TTC19: variants seen among roughly 807,000 people sequenced by gnomAD.
The protein encoded by TTC19 is tetratricopeptide repeat domain 19, also known as tetratricopeptide repeat protein 19, mitochondrial.
In TTC19, 38 loss-of-function variants were observed where a neutral mutation model predicts 49.5. The ratio of observed to expected loss-of-function variants is 0.77; its 90% CI spans 0.59 to 1.01. The LOEUF (loss-of-function observed/expected upper bound fraction) is 1.01, where lower values mean the gene tolerates loss of function less well. Ranked by LOEUF, TTC19 falls within the 50% of genes least tolerant of loss-of-function variation. TTC19 has a pLI of 0.00. For missense variants in TTC19, 475 were observed against 477.7 expected, an observed-to-expected ratio of 0.99 and a Z score of 0.05; for synonymous variants, 204 against 185.2, an observed-to-expected ratio of 1.10 and a Z score of -0.83.
chr17:16,040,436 C>A, intron 2 of TTC19: 1 of 1,613,294 alleles, frequency 6.2e-7, no homozygotes, highest in Non-Finnish European at 8.5e-7. Flanking sequence ...TCTTTTCAAT[C>A]TTACCTGACG....
rs1346067740 is a variant in TTC19 at position 16,007,267 on chromosome 17, C to G, written c.676+699C>G. On this transcript the variant is annotated intron_variant, in intron 7 of 9. Coordinates refer to ENST00000261647, the MANE Select transcript of TTC19 (RefSeq NM_017775.4). ...GATGCCTGAAACGACTTCTAATACA[C>G]TGTGTTTTTTTCTTATATATATGTA... is the stretch of plus-strand genomic sequence containing the variant. Among the ~76,000 whole-genome samples, 4 of 152,202 alleles carry G rather than the reference C, an allele frequency of 2.6e-5. No individual in the cohort carries two copies. In the East Asian group the frequency reaches 7.7e-4, roughly 29 times the overall value.
At chr17:16,032,062 C>T, downstream of TTC19, 1 of 481,746 alleles carries the variant, frequency 2.1e-6, no homozygotes, top group East Asian at 3.8e-5. Context: ...CAACCCTCCA[C>T]TATTATTATA....
chr17:16,041,511 T>C (rs1429495028), intron 2 of TTC19, among the ~76,000 whole-genome samples: 1 of 148,242 alleles, frequency 6.7e-6, no homozygotes, highest in Non-Finnish European at 1.5e-5. Flanking sequence ...CCTCCTGGGT[T>C]CAAGCAGTTC....
chr17:16,006,389 A>C (rs1970908422), intron 6 of TTC19, 85 bp from the exon 7 acceptor site: 1 of 1,006,798 alleles, frequency 9.9e-7, no homozygotes, highest in Admixed American at 1.7e-5. Context: ...CAGCCTGGGC[A>C]ACAAGAGCGA....
chr17:16,000,910 C>T (rs1211632503), intron 2 of TTC19, among the ~76,000 whole-genome samples: 1 of 152,172 alleles, frequency 6.6e-6, no homozygotes, highest in African/African-American at 2.4e-5. Flanking sequence ...GCCTAAAAAC[C>T]TCATAGTCAT....
Position 16,016,789 on chromosome 17 carries a change from C to T in TTC19, c.677-8228C>T, listed in dbSNP as rs555127358. On this transcript the variant is annotated intron_variant, in intron 7 of 9. Coordinates refer to ENST00000261647, the MANE Select transcript of TTC19 (RefSeq NM_017775.4). ...TCCAGGCTGGTCTCGAACTCCTGAC[C>T]TCAGGTGATCCGCCTGCCTCAGCCT... 2.2e-4 allele frequency among the ~76,000 whole-genome samples: 33 copies of T among 152,158 alleles called. No individual in the cohort carries two copies. The East Asian group carries it at 6.0e-3, about 28-fold the overall frequency.
Position 16,028,797 on chromosome 17 carries a change from C to A in TTC19, c.*1275C>A. The stretch of plus-strand genomic sequence containing the variant: ...GACTACACAACAATATTGTATGTAT[C>A]CCAGTAATCTTTGCATTTCTCAAAA... On this transcript the variant is annotated 3_prime_UTR_variant, in exon 10 of 10. Coordinates refer to ENST00000261647, the MANE Select transcript of TTC19 (RefSeq NM_017775.4). The A allele has an allele frequency of 2.8e-6, 1 of 354,008 alleles. No individual in the cohort carries two copies. The allele number at this position is 354,008 out of a possible 1,614,324, so 21.9% of individuals were successfully genotyped here.
At chr17:16,037,939 T>C (rs1409859327) in intron 2 of TTC19, among the ~76,000 whole-genome samples, 4 of 152,272 alleles carry the variant, frequency 2.6e-5, no homozygotes, top group Admixed American at 6.5e-5. Flanking sequence ...CTGCCCCAAA[T>C]TCCTATACAA....
chr17:16,019,707 G>GA (rs1341299525), intron 7 of TTC19, among the ~76,000 whole-genome samples: 3 of 152,138 alleles, frequency 2.0e-5, no homozygotes, highest in Admixed American at 2.0e-4. Flanking sequence ...TCTATTGATG[G>GA]ACCTGTTGGG....
chr17:16,042,032 C>A (rs1414392789), intron 2 of TTC19, among the ~76,000 whole-genome samples: 1 of 152,270 alleles, frequency 6.6e-6, no homozygotes, highest in South Asian at 2.1e-4. Flanking sequence ...CCGTGCCCGG[C>A]CAGAATGTGA....
Position 16,026,525 on chromosome 17 carries a change from T to C in TTC19, c.832-15T>C. ...ATGTTTTTAAAGAAAAAATTGTTTT[T>C]TCTTTTACATACAGACCATTGTGCT... On this transcript the variant is annotated splice_polypyrimidine_tract_variant and intron_variant, in intron 8 of 9. Transcript: ENST00000261647. 6.2e-7 allele frequency: 1 copy of C among 1,613,350 alleles called. No homozygotes were observed. The highest frequency in any genetic ancestry group is 8.5e-7 in the Non-Finnish European group (1 of 1,179,724).
intron 2 of TTC19, chr17:16,041,134 A>G (rs952300300): frequency 1.3e-5 from 2 of 152,168 alleles, no homozygotes; most frequent in African/African-American, 4.8e-5. Context: ...CTAACTGGAA[A>G]CTCAGGATAT....
At chr17:16,032,483 C>T, downstream of TTC19, 2 of 1,560,128 alleles carry the variant, frequency 1.3e-6, no homozygotes, top group Admixed American at 2.1e-5. Flanking sequence ...CTGAGTTGAG[C>T]CTGACAAAAG....
chr17:16,001,389 A>C (rs1970728121), intron 2 of TTC19, among the ~76,000 whole-genome samples: 1 of 151,428 alleles, frequency 6.6e-6, no homozygotes, highest in African/African-American at 2.4e-5. Flanking sequence ...TAGGGACTTC[A>C]CTCATTCTCT....
At position 15,999,893 on chromosome 17, in the gene TTC19, G is replaced by A; in HGVS notation, c.45G>A (p.Arg15=). 7.1e-7 allele frequency: 1 copy of A among 1,401,686 alleles called. No individual in the cohort carries two copies. Among genetic ancestry groups the A allele is most frequent in the Non-Finnish European group, 9.2e-7 (1 of 1,087,450 alleles). 86.8% of individuals were successfully genotyped at this position (1,401,686 alleles called of 1,614,324 possible). The part of the protein sequence containing the change: ...LSWSLGRGFL[R]AAGRRCRGCS... The stretch of plus-strand genomic sequence containing the variant: ...GGAGCCTGGGCCGAGGCTTCCTGCG[G>A]GCCGCGGGGCGGCGGTGCCGGGGCT... The change falls in exon 1 of 10, where the codon CGG becomes CGA. Residue 15 remains arginine (R), a synonymous_variant. Coordinates refer to ENST00000261647, the MANE Select transcript of TTC19 (RefSeq NM_017775.4).
chr17:16,043,903 T>C (rs4435297), intron 2 of TTC19, among the ~76,000 whole-genome samples: 87,922 of 152,028 alleles, frequency 0.58, 26,010 homozygotes, highest in African/African-American at 0.66. Flanking sequence ...GATACAGTGG[T>C]TCACGCCTGT....
chr17:16,013,265 G>A (rs1971124966), intron 7 of TTC19, among the ~76,000 whole-genome samples: 1 of 152,138 alleles, frequency 6.6e-6, no homozygotes, highest in African/African-American at 2.4e-5. Context: ...TTTATGACTT[G>A]CATGAGTAAT....
chr17:16,040,538 A>G, intron 2 of TTC19: 1 of 1,529,900 alleles, frequency 6.5e-7, no homozygotes, highest in Non-Finnish European at 9.0e-7. Context: ...TGTGATAATC[A>G]TATATACCAA....
chr17:16,000,553 A>G (rs1033641678), intron 2 of TTC19: 2 of 547,200 alleles, frequency 3.7e-6, no homozygotes, highest in Non-Finnish European at 5.3e-6. Context: ...TAACCAGCCT[A>G]TCTGAAATGA....
Sources: allele counts gnomAD v4.1 joint callset (sites outside exome capture counted in the v4.1 genomes callset), GRCh38; gene constraint gnomAD v4.1.1; transcripts MANE v1.5; gene names NCBI Gene and HGNC (gene_info 2026-07-23, HGNC 2026-07-21).